Variants in PCDHGA4 observed in about 807,000 individuals in gnomAD.
The protein encoded by PCDHGA4 is protocadherin gamma-A4.
PCDHGA4 carries 38 observed loss-of-function variants against 54.6 expected under a neutral mutation model. The ratio of observed to expected loss-of-function variants is 0.70; its 90% CI spans 0.54 to 0.91. The LOEUF (loss-of-function observed/expected upper bound fraction) is 0.91. PCDHGA4 is among the 40% of genes least tolerant of loss of function. The pLI, the probability that PCDHGA4 is intolerant of heterozygous loss-of-function variation, is 0.00. For synonymous variants in PCDHGA4, 511 were observed against 512.9 expected (o/e 1.00, Z 0.05); for missense variants, 1,298 against 1,220.9 (o/e 1.06, Z -0.94).
intron 1 of PCDHGA4, chr5:141,375,075 C>T (rs772132262): frequency 6.2e-6 from 10 of 1,613,926 alleles, no homozygotes; most frequent in East Asian, 4.5e-5. Flanking sequence ...CGAGACAGAG[C>T]GAAAGTCTTA....
intron 1 of PCDHGA4, chr5:141,371,219 C>G: frequency 6.2e-7 from 1 of 1,613,954 alleles, no homozygotes. Context: ...GCATCAATGC[C>G]GAAATCATCT....
At position 141,356,709 on chromosome 5, in the gene PCDHGA4, C is replaced by T. The variant is rs1760315750; in HGVS notation, c.1602C>T (p.Ser534=). ...EDTFQGAPLS[S]YVSINSNTGI... ...CCTTCCAGGGTGCACCTCTGTCCTC[C>T]TATGTCTCCATCAACTCCAATACAG... The change falls in exon 1 of 4, where the codon TCC becomes TCT. Residue 534 remains serine, a synonymous_variant. Coordinates refer to ENST00000571252, the MANE Select transcript of PCDHGA4 (RefSeq NM_018917.4). 1.9e-6 allele frequency: 3 copies of T among 1,613,998 alleles called. No homozygotes were observed. Among genetic ancestry groups the T allele is most frequent in the African/African-American group, 2.7e-5 (2 of 75,062 alleles).
chr5:141,485,922 G>C lies in PCDHGA4; in HGVS notation c.2515-8885G>C. 6.2e-7 allele frequency: 1 copy of C among 1,614,170 alleles called. No individual in the cohort carries two copies. The highest frequency in any genetic ancestry group is 8.5e-7 in the Non-Finnish European group (1 of 1,180,036). On this transcript the variant is annotated intron_variant, in intron 1 of 3. Transcript: ENST00000571252. This position sits in a 1 kb window ranked among gnomAD's most constrained non-coding sequence, Gnocchi z 5.7. The stretch of plus-strand genomic sequence containing the variant: ...TTCCAGCAATCCAGCTACAGGATTA[G>C]TGTGTTGGAGAGCGCACCAGCGGGC...
chr5:141,415,040 C>A (rs772941952), intron 1 of PCDHGA4: 3 of 1,613,520 alleles, frequency 1.9e-6, no homozygotes, highest in Non-Finnish European at 2.5e-6. Flanking sequence ...GGACTCTTCG[C>A]GGTGGGGGAG....
chr5:141,366,437 G>A lies in PCDHGA4; in HGVS notation c.2514+8816G>A, dbSNP rs201380639. The A allele has an allele frequency of 4.0e-4, 649 of 1,614,042 alleles. No individual in the cohort carries two copies. The highest frequency in any genetic ancestry group is 4.5e-4 in the Non-Finnish European group (535 of 1,180,064). ...GGTGGCAGTGGCTGCAGTCTCCTGC[G>A]TCTTCCTGGCCTTCGTCATCGTGCT... is the stretch of plus-strand genomic sequence containing the variant. On this transcript the variant is annotated intron_variant, in intron 1 of 3. Coordinates refer to ENST00000571252, the MANE Select transcript of PCDHGA4 (RefSeq NM_018917.4).
At chr5:141,374,332 C>T (rs759827582) in intron 1 of PCDHGA4, 3 of 1,613,984 alleles carry the variant, frequency 1.9e-6, no homozygotes, top group South Asian at 2.2e-5. Context: ...GAAACGGCAG[C>T]TTGGTCACCG....
intron 1 of PCDHGA4, chr5:141,371,329 G>A: frequency 6.2e-7 from 1 of 1,613,968 alleles, no homozygotes; most frequent in Non-Finnish European, 8.5e-7. Flanking sequence ...TTTGAAGAGA[G>A]AGATAGCTAC....
In PCDHGA4 at chr5:141,374,203, G is replaced by T. The variant is rs375029709; in HGVS notation, c.2514+16582G>T. On this transcript the variant is annotated intron_variant, in intron 1 of 3. Transcript: ENST00000571252. ...GCTACTCTATTCCCGAGGAGCTGGA[G>T]AAAGGCTCCTTCGTAGGCAACATCG... 4.3e-6 allele frequency: 7 copies of T among 1,613,808 alleles called. No homozygotes were observed. The East Asian group carries it at 1.1e-4, about 26-fold the overall frequency.
chr5:141,422,355 T>A, intron 1 of PCDHGA4: 1 of 1,557,416 alleles, frequency 6.4e-7, no homozygotes, highest in Non-Finnish European at 8.6e-7. Flanking sequence ...AAGATCAAGA[T>A]TCTGGAGAAA....
intron 1 of PCDHGA4, chr5:141,372,377 C>A (rs1006605507): frequency 6.2e-7 from 1 of 1,613,996 alleles, no homozygotes; most frequent in Non-Finnish European, 8.5e-7. Flanking sequence ...TCATGCTGCA[C>A]CTAATCTTCG....
chr5:141,365,223 T>C (rs1561533548), intron 1 of PCDHGA4: 7 of 1,613,924 alleles, frequency 4.3e-6, no homozygotes, highest in Non-Finnish European at 5.9e-6. Context: ...GATTCCAACC[T>C]GGGGGAAATC....
chr5:141,474,505 A>G (rs2099350724), intron 1 of PCDHGA4, among the ~76,000 whole-genome samples: 2 of 152,248 alleles, frequency 1.3e-5, no homozygotes, highest in Admixed American at 6.5e-5. Context: ...AATGCCTATC[A>G]GCCCTCTTGC....
intron 3 of PCDHGA4, among the ~76,000 whole-genome samples, chr5:141,510,204 C>T (rs1403130911): frequency 1.3e-5 from 2 of 150,304 alleles, no homozygotes; most frequent in Admixed American, 1.3e-4. Flanking sequence ...GCCCAGGAGG[C>T]AGAGGTTGCA....
intron 1 of PCDHGA4, chr5:141,376,156 G>T: frequency 6.2e-7 from 1 of 1,614,074 alleles, no homozygotes; most frequent in Non-Finnish European, 8.5e-7. Flanking sequence ...ACCTCACTCT[G>T]TACCTGGTGG....
chr5:141,433,921 T>G (rs1203867326), intron 1 of PCDHGA4, among the ~76,000 whole-genome samples: 2 of 152,012 alleles, frequency 1.3e-5, no homozygotes, highest in African/African-American at 4.8e-5. Flanking sequence ...CACCTCCAAA[T>G]GAAGATTTTA....
chr5:141,476,741 A>G lies in PCDHGA4; in HGVS notation c.2515-18066A>G, dbSNP rs1430298222. On this transcript the variant is annotated intron_variant, in intron 1 of 3. Transcript: ENST00000571252. The surrounding 1 kb of genome is among the most constrained non-coding windows in gnomAD (Gnocchi z 7.6). ...CGCCCTGGACCGAGAACGGGAGCCT[A>G]GTCTCCAGTTAGTGCTGACGGCGTT... The G allele has an allele frequency of 6.2e-7, 1 of 1,613,936 alleles. No individual in the cohort carries two copies. Among genetic ancestry groups the G allele is most frequent in the Non-Finnish European group, 8.5e-7 (1 of 1,180,032 alleles).
chr5:141,399,697 T>C, intron 1 of PCDHGA4: 1 of 1,613,436 alleles, frequency 6.2e-7, no homozygotes. Context: ...GCTGCGCACC[T>C]TCGAACTCAC....
At chr5:141,433,103 C>T (rs762225174) in intron 1 of PCDHGA4, 3 of 1,614,126 alleles carry the variant, frequency 1.9e-6, no homozygotes, top group Non-Finnish European at 2.5e-6. Flanking sequence ...GCTCGTCAGC[C>T]AGGAGAGCTT....
intron 2 of PCDHGA4, among the ~76,000 whole-genome samples, chr5:141,502,048 ACTTTATTCC>A (rs1055762924): frequency 6.6e-5 from 10 of 151,746 alleles, no homozygotes; most frequent in African/African-American, 2.4e-4. Context: ...TGCTCTCCCT[ACTTTATTCC>A]CATTAGCCCC....
Sources: gnomAD v4.1 joint callset for allele counts (sites outside exome capture counted in the v4.1 genomes callset) on GRCh38, gnomAD v4.1.1 for gene constraint, Gnocchi (gnomAD v3.1) non-coding constraint, MANE v1.5 for transcripts, NCBI Gene and HGNC (gene_info 2026-07-23, HGNC 2026-07-21) for gene names.